PRKCE: variants seen among roughly 807,000 people sequenced by gnomAD.
PRKCE encodes the protein protein kinase C epsilon.
Under a neutral mutation model 85.4 loss-of-function variants are expected in PRKCE, and 16 were observed. The ratio of observed to expected loss-of-function variants is 0.19; its 90% CI spans 0.13 to 0.28. The LOEUF (loss-of-function observed/expected upper bound fraction) is 0.28. PRKCE is among the 10% of genes least tolerant of loss of function. PRKCE has a pLI of 1.00. For synonymous variants in PRKCE, 388 were observed against 371.5 expected (o/e 1.04, Z -0.51); for missense variants, 573 against 975.2 (o/e 0.59, Z 5.49).
chr2:45,893,667 C>G (rs1005311822), intron 2 of PRKCE, among the ~76,000 whole-genome samples: 11 of 152,222 alleles, frequency 7.2e-5, no homozygotes, highest in African/African-American at 2.4e-4. Context: ...CAGCCTGGCT[C>G]ATGTCTTTCT....
At chr2:45,830,063 A>T (rs1390144817) in intron 1 of PRKCE, among the ~76,000 whole-genome samples, 1 of 101,794 alleles carries the variant, frequency 9.8e-6, no homozygotes, top group African/African-American at 4.1e-5. Flanking sequence ...ACAGAGCGAG[A>T]CTCCGTCTCA....
At chr2:46,031,590 TCG>T (rs1491507035) in intron 10 of PRKCE, among the ~76,000 whole-genome samples, 4 of 109,602 alleles carry the variant, frequency 3.6e-5, no homozygotes, top group African/African-American at 1.5e-4. Context: ...TACATTCTGC[TCG>T]TGTGTGTGTG....
chr2:45,821,970 G>A (rs139005223), intron 1 of PRKCE, among the ~76,000 whole-genome samples: 3 of 152,146 alleles, frequency 2.0e-5, no homozygotes, highest in African/African-American at 7.2e-5. Context: ...TACAGTGAAG[G>A]GCTTGAGGGG....
chr2:45,921,024 A>T (rs916844054), intron 2 of PRKCE, among the ~76,000 whole-genome samples: 5 of 152,238 alleles, frequency 3.3e-5, no homozygotes, highest in African/African-American at 9.6e-5. Context: ...AGCCATCAGA[A>T]GAGAGAGTAG....
At chr2:45,999,809 T>C (rs780753500) in intron 6 of PRKCE, among the ~76,000 whole-genome samples, 20 of 152,226 alleles carry the variant, frequency 1.3e-4, no homozygotes, top group Non-Finnish European at 2.5e-4. Flanking sequence ...TTGTTCTCTT[T>C]ATTTTTTCAT....
At chr2:45,771,138 A>G (rs957993213) in intron 1 of PRKCE, among the ~76,000 whole-genome samples, 3 of 152,118 alleles carry the variant, frequency 2.0e-5, no homozygotes, top group Non-Finnish European at 4.4e-5. Flanking sequence ...AGGGGTGGGA[A>G]GAGGTGGGTC....
rs116194758 is a variant in PRKCE, at chr2:45,931,069, C to T, written c.413-45360C>T. On this transcript the variant is annotated intron_variant, in intron 2 of 14. Coordinates refer to ENST00000306156, the MANE Select transcript of PRKCE (RefSeq NM_005400.3). ...CTGTCCCCATTTTCAGGTTGCAAAG[C>T]AGAGGCCAACAACATTACATGACTT... is the stretch of plus-strand genomic sequence containing the variant. Among the ~76,000 whole-genome samples the T allele has an allele frequency of 8.3e-3, 1,269 of 152,286 alleles. 22 individuals carry two copies. The highest frequency in any genetic ancestry group is 0.029 in the African/African-American group (1,204 of 41,554).
intron 1 of PRKCE, among the ~76,000 whole-genome samples, chr2:45,720,144 A>T (rs13414092): frequency 5.9e-5 from 9 of 151,786 alleles, no homozygotes. Flanking sequence ...AGAGGGAGGG[A>T]GAGGGGCTGG....
chr2:45,755,013 T>C (rs1028678016), intron 1 of PRKCE, among the ~76,000 whole-genome samples: 1 of 152,184 alleles, frequency 6.6e-6, no homozygotes, highest in Non-Finnish European at 1.5e-5. Flanking sequence ...CTGCAAGTAA[T>C]GTAGCCTGCA....
At chr2:45,723,036 C>T (rs1045627400) in intron 1 of PRKCE, among the ~76,000 whole-genome samples, 2 of 152,062 alleles carry the variant, frequency 1.3e-5, no homozygotes, top group Admixed American at 1.3e-4. Flanking sequence ...AGGAGGCAGA[C>T]GTTGCAGTGA....
intron 10 of PRKCE, among the ~76,000 whole-genome samples, chr2:46,081,190 G>A (rs1669040918): frequency 1.3e-5 from 2 of 152,028 alleles, no homozygotes; most frequent in South Asian, 4.1e-4. Context: ...ACAGGGTCTT[G>A]GTATGTTGTT....
In PRKCE at chr2:45,922,699, T is replaced by C. The variant is rs1053153280; in HGVS notation, c.413-53730T>C. ...CCATGAGGCAAGAGCAGCTCTTTAA[T>C]AGAGACGTGTGAGCTGATCCTCTGG... On this transcript the variant is annotated intron_variant, in intron 2 of 14. Coordinates refer to ENST00000306156, the MANE Select transcript of PRKCE (RefSeq NM_005400.3). 2.0e-5 allele frequency among the ~76,000 whole-genome samples: 3 copies of C among 152,180 alleles called. No homozygotes were observed. In the East Asian group the frequency reaches 5.8e-4, roughly 29 times the overall value.
chr2:45,958,780 G>T, intron 2 of PRKCE, among the ~76,000 whole-genome samples: 2 of 88,552 alleles, frequency 2.3e-5, no homozygotes, highest in African/African-American at 8.3e-5. Context: ...CCCTTCCTCT[G>T]GCCTTTAAAA....
intron 1 of PRKCE, among the ~76,000 whole-genome samples, chr2:45,817,652 C>T (rs1370729333): frequency 2.6e-5 from 4 of 152,152 alleles, no homozygotes; most frequent in African/African-American, 4.8e-5. Flanking sequence ...CGAGATCACG[C>T]CACTGCACTC....
intron 6 of PRKCE, among the ~76,000 whole-genome samples, chr2:45,998,559 T>G (rs997860485): frequency 6.6e-6 from 1 of 152,218 alleles, no homozygotes; most frequent in African/African-American, 2.4e-5. Flanking sequence ...GTGGGTTTCT[T>G]GTGAACAACA....
rs149547088 is a variant in PRKCE at position 46,092,788 on chromosome 2, C to T, written c.1592+6426C>T. Among the ~76,000 whole-genome samples the T allele has an allele frequency of 4.3e-4, 65 of 152,292 alleles. 1 individual carries two copies. The East Asian group carries it at 0.012, about 28-fold the overall frequency. ...TGATGTAAATTTTAGTCCTGCCATC[C>T]TGCTAGTCAGAGGGGAAAGTGTGTG... On this transcript the variant is annotated intron_variant, in intron 11 of 14. Transcript: ENST00000306156.
intron 10 of PRKCE, among the ~76,000 whole-genome samples, chr2:46,084,697 A>G (rs561902898): frequency 1.4e-5 from 2 of 142,320 alleles, no homozygotes; most frequent in South Asian, 2.4e-4. Context: ...ACTCCAGCCT[A>G]GCAACAGAGC....
rs76703102 is a variant in PRKCE, at chr2:46,159,232, G to A, written c.1921-374G>A. On this transcript the variant is annotated intron_variant, in intron 13 of 14. Transcript: ENST00000306156. The surrounding 1 kb of genome is among the most constrained non-coding windows in gnomAD (Gnocchi z 4.1). ...TGAGAAGACCTGAGAATCTGAGGGGGATCACAGAGTCAGTAAGAGCCAGAG... is the reference window on the plus strand; with the variant it reads ...TGAGAAGACCTGAGAATCTGAGGGGAATCACAGAGTCAGTAAGAGCCAGAG... Among the ~76,000 whole-genome samples, 1 of 152,156 alleles carries A rather than the reference G, an allele frequency of 6.6e-6. No homozygotes were observed. The highest frequency in any genetic ancestry group is 1.5e-5 in the Non-Finnish European group (1 of 68,036).
intron 1 of PRKCE, among the ~76,000 whole-genome samples, chr2:45,659,302 G>A (rs575503323): frequency 1.3e-5 from 2 of 152,320 alleles, no homozygotes; most frequent in East Asian, 1.9e-4. Context: ...CTTGACGCCT[G>A]TAATTCTCAG....
Sources: allele counts gnomAD v4.1 joint callset (sites outside exome capture counted in the v4.1 genomes callset), GRCh38; gene constraint gnomAD v4.1.1; non-coding constraint Gnocchi (gnomAD v3.1); transcripts MANE v1.5; gene names NCBI Gene and HGNC (gene_info 2026-07-23, HGNC 2026-07-21).